The following USH2A variants were observed in gnomAD, a reference collection of about 807,000 sequenced individuals.
USH2A encodes usherin, also known as Usher syndrome 2A (autosomal recessive, mild).
USH2A carries 443 observed loss-of-function variants against 538.9 expected under a neutral mutation model. The ratio of observed to expected loss-of-function variants is 0.82; its 90% CI spans 0.76 to 0.89. USH2A has a LOEUF of 0.89. USH2A is among the 40% of genes least tolerant of loss of function. The pLI, the probability that USH2A is intolerant of heterozygous loss-of-function variation, is 0.00. For missense variants in USH2A, 6,633 were observed against 6,324.8 expected, an observed-to-expected ratio of 1.05 and a Z score of -1.65; for synonymous variants, 2,413 against 2,273.5, an observed-to-expected ratio of 1.06 and a Z score of -1.75.
intron 3 of USH2A, among the ~76,000 whole-genome samples, chr1:216,412,566 TA>T (rs956727906): frequency 2.6e-5 from 4 of 151,990 alleles, no homozygotes; most frequent in African/African-American, 7.2e-5. Flanking sequence ...GGGGTATAGT[TA>T]AAAAATATAT....
Position 215,728,065 on chromosome 1 carries a change from A to G in USH2A, c.12031T>C (p.Phe4011Leu), listed in dbSNP as rs1659879836. 6.2e-7 allele frequency: 1 copy of G among 1,614,052 alleles called. No homozygotes were observed. The highest frequency in any genetic ancestry group is 8.5e-7 in the Non-Finnish European group (1 of 1,180,048). ...AAAGCATGCACGGTAGGGCTGTTAA[A>G]TGTAGGATCGTCGGGTCTCTCCTGG... Reference protein sequence around the residue: ...VYQERPDDPTFNSPTVHAFTV... With the variant: ...VYQERPDDPTLNSPTVHAFTV... The change falls in exon 61 of 72, where the codon TTT becomes CTT. Residue 4011 changes from phenylalanine (F) to leucine (L), a missense_variant. Coordinates refer to ENST00000307340, the MANE Select transcript of USH2A (RefSeq NM_206933.4).
intron 3 of USH2A, among the ~76,000 whole-genome samples, chr1:216,394,911 G>A (rs2102751869): frequency 6.6e-6 from 1 of 151,718 alleles, no homozygotes. Context: ...GTAGAGACGG[G>A]TTTTCACCGT....
chr1:215,753,799 C>T (rs1660698698), intron 58 of USH2A, among the ~76,000 whole-genome samples: 1 of 152,048 alleles, frequency 6.6e-6, no homozygotes, highest in Admixed American at 6.5e-5. Flanking sequence ...TACCCTAAAA[C>T]TTAAAGTATA....
chr1:216,210,159 C>T (rs1304757505), intron 15 of USH2A, among the ~76,000 whole-genome samples: 1 of 151,914 alleles, frequency 6.6e-6, no homozygotes. Flanking sequence ...TGAAATCATA[C>T]TCCTTTTTTT....
intron 32 of USH2A, among the ~76,000 whole-genome samples, chr1:216,007,912 C>T (rs1470661494): frequency 6.6e-6 from 1 of 152,198 alleles, no homozygotes. Flanking sequence ...AAAATCATAA[C>T]TGTACACAGA....
chr1:216,283,155 C>G (rs1229918067), intron 11 of USH2A, among the ~76,000 whole-genome samples: 1 of 152,036 alleles, frequency 6.6e-6, no homozygotes, highest in African/African-American at 2.4e-5. Context: ...GGCATGATCT[C>G]AGCTCACTGC....
In USH2A at chr1:216,175,481, T is replaced by C. The variant is rs1487168542; in HGVS notation, c.4398A>G (p.Ala1466=). The C allele has an allele frequency of 6.2e-7, 1 of 1,613,608 alleles. No homozygotes were observed. The highest frequency in any genetic ancestry group is 8.5e-7 in the Non-Finnish European group (1 of 1,179,830). Residue 1466 remains alanine (A), a splice_region_variant and synonymous_variant, in exon 21 of 72, where the codon GCA becomes GCG. Coordinates refer to ENST00000307340, the MANE Select transcript of USH2A (RefSeq NM_206933.4). ...CCAGAGGTGGCCTCAGTTGTGCTGGTGCTAAATATTAGAAAACACCTGTTA... is the reference window on the plus strand; with the variant it reads ...CCAGAGGTGGCCTCAGTTGTGCTGGCGCTAAATATTAGAAAACACCTGTTA... ...ASGAGQTLAA[A]PAQLRPPLVK... is the part of the protein sequence containing the mutation.
At chr1:216,312,655 T>C (rs1363167266) in intron 9 of USH2A, among the ~76,000 whole-genome samples, 1 of 152,208 alleles carries the variant, frequency 6.6e-6, no homozygotes, top group Non-Finnish European at 1.5e-5. Flanking sequence ...TCAGAATTTT[T>C]ATCTTTCAGC....
At chr1:215,971,518 G>A (rs1667494592) in intron 35 of USH2A, among the ~76,000 whole-genome samples, 4 of 152,082 alleles carry the variant, frequency 2.6e-5, no homozygotes. Context: ...CACTTTGGGA[G>A]GCCAAAGCAG....
chr1:216,092,767 T>C (rs1482425103), intron 22 of USH2A, among the ~76,000 whole-genome samples: 1 of 152,180 alleles, frequency 6.6e-6, no homozygotes, highest in Non-Finnish European at 1.5e-5. Flanking sequence ...GCACATAGTG[T>C]AATGCATCTG....
chr1:216,205,632 T>C (rs1218982518), intron 16 of USH2A, among the ~76,000 whole-genome samples: 2 of 152,224 alleles, frequency 1.3e-5, no homozygotes, highest in Non-Finnish European at 2.9e-5. Flanking sequence ...AGGAAGGTTA[T>C]GGAATTTCAG....
At chr1:216,298,367 T>TA (rs1463618625) in intron 9 of USH2A, among the ~76,000 whole-genome samples, 1 of 152,218 alleles carries the variant, frequency 6.6e-6, no homozygotes, top group Non-Finnish European at 1.5e-5. Context: ...TTATAATCTT[T>TA]AAAAAATCTA....
intron 56 of USH2A, among the ~76,000 whole-genome samples, chr1:215,763,977 G>A (rs1212985081): frequency 6.6e-6 from 1 of 152,174 alleles, no homozygotes; most frequent in East Asian, 1.9e-4. Flanking sequence ...GTGATAGGTA[G>A]GTGGTAGTAT....
At chr1:216,058,692 T>C (rs770783214) in intron 30 of USH2A, among the ~76,000 whole-genome samples, 5 of 152,190 alleles carry the variant, frequency 3.3e-5, no homozygotes, top group Non-Finnish European at 5.9e-5. Flanking sequence ...TGCATTCTTC[T>C]ATAAAATTAA....
chr1:215,653,062 C>T lies in USH2A; in HGVS notation c.14134-2261G>A, dbSNP rs190394871. Among the ~76,000 whole-genome samples, 132 of 152,278 alleles carry T rather than the reference C, an allele frequency of 8.7e-4. 1 individual carries two copies. The highest frequency in any genetic ancestry group is 8.8e-5 in the Non-Finnish European group (6 of 68,028). Reference sequence around the variant, plus strand: ...TTCATAGCAAGTGCTCAGCACAGTTCTGGCTCTGGCTTATGAACATTAACT... The same window carrying T: ...TTCATAGCAAGTGCTCAGCACAGTTTTGGCTCTGGCTTATGAACATTAACT... On this transcript the variant is annotated intron_variant, in intron 64 of 71. Coordinates refer to ENST00000307340, the MANE Select transcript of USH2A (RefSeq NM_206933.4).
At chr1:216,116,115 T>C (rs2033002185) in intron 21 of USH2A, among the ~76,000 whole-genome samples, 1 of 151,966 alleles carries the variant, frequency 6.6e-6, no homozygotes, top group Non-Finnish European at 1.5e-5. Context: ...AAATAATAAC[T>C]TTTTACGTAT....
At chr1:215,881,206 T>C (rs530493749) in intron 41 of USH2A, among the ~76,000 whole-genome samples, 2 of 152,322 alleles carry the variant, frequency 1.3e-5, no homozygotes, top group Admixed American at 1.3e-4. Flanking sequence ...AGCGGTGCGA[T>C]TTCAGCCCAC....
At chr1:216,419,326 C>A (rs190195313) in intron 2 of USH2A, among the ~76,000 whole-genome samples, 3 of 152,206 alleles carry the variant, frequency 2.0e-5, no homozygotes, top group Admixed American at 2.0e-4. Context: ...GGTCCTTCAG[C>A]CTTCTAGAAC....
chr1:216,231,249 T>TTA (rs367785093), intron 14 of USH2A, among the ~76,000 whole-genome samples: 25,034 of 83,682 alleles, frequency 0.3, 4,979 homozygotes, highest in Admixed American at 0.33. Flanking sequence ...TATATATATA[T>TTA]TATATATATA....
Sources: gnomAD v4.1 joint callset for allele counts (sites outside exome capture counted in the v4.1 genomes callset) on GRCh38, gnomAD v4.1.1 for gene constraint, MANE v1.5 for transcripts, NCBI Gene and HGNC (gene_info 2026-07-23, HGNC 2026-07-21) for gene names.